CNTNAP5: variants seen among roughly 807,000 people sequenced by gnomAD.
CNTNAP5 encodes the protein contactin-associated protein-like 5.
Under a neutral mutation model 150.2 loss-of-function variants are expected in CNTNAP5, and 72 were observed. The observed-to-expected ratio is 0.48, with a 90% CI of 0.40 to 0.58. The LOEUF (loss-of-function observed/expected upper bound fraction) is 0.58. CNTNAP5 is among the 20% of genes least tolerant of loss of function. The pLI, the probability that CNTNAP5 is intolerant of heterozygous loss-of-function variation, is 0.00. For synonymous variants in CNTNAP5, 672 were observed against 619.8 expected, an observed-to-expected ratio of 1.08 and a Z score of -1.25; for missense variants, 1,636 against 1,626.2, an observed-to-expected ratio of 1.01 and a Z score of -0.10.
At chr2:124,602,014 T>A (rs750325772) in intron 11 of CNTNAP5, among the ~76,000 whole-genome samples, 1 of 152,184 alleles carries the variant, frequency 6.6e-6, no homozygotes, top group African/African-American at 2.4e-5. Flanking sequence ...ATCCAGAAGA[T>A]ACTTTTGATT....
intron 1 of CNTNAP5, among the ~76,000 whole-genome samples, chr2:124,047,153 G>T (rs558380255): frequency 6.6e-6 from 1 of 152,092 alleles, no homozygotes; most frequent in Non-Finnish European, 1.5e-5. Flanking sequence ...AAACAATACC[G>T]AGCTATTTAC....
intron 1 of CNTNAP5, among the ~76,000 whole-genome samples, chr2:124,031,765 T>A (rs1225777982): frequency 6.6e-6 from 1 of 152,176 alleles, no homozygotes. Flanking sequence ...ATAAAAACTA[T>A]TTTATAGCCC....
chr2:124,892,703 A>C (rs1402771263), intron 21 of CNTNAP5, among the ~76,000 whole-genome samples: 1 of 152,112 alleles, frequency 6.6e-6, no homozygotes, highest in Non-Finnish European at 1.5e-5. Flanking sequence ...ACCTTTATGC[A>C]GACACAATAT....
chr2:124,116,921 G>A (rs748858451), intron 1 of CNTNAP5, among the ~76,000 whole-genome samples: 1 of 152,164 alleles, frequency 6.6e-6, no homozygotes, highest in Non-Finnish European at 1.5e-5. Context: ...AAGCAAGCCA[G>A]GACTTTTAAG....
intron 1 of CNTNAP5, among the ~76,000 whole-genome samples, chr2:124,113,329 T>C (rs1683343513): frequency 6.6e-6 from 1 of 152,118 alleles, no homozygotes; most frequent in African/African-American, 2.4e-5. Context: ...TTTATAGGTG[T>C]TATATGTCTC....
chr2:124,892,537 T>C (rs555932014), intron 21 of CNTNAP5, among the ~76,000 whole-genome samples: 5 of 152,178 alleles, frequency 3.3e-5, no homozygotes, highest in Admixed American at 2.6e-4. Context: ...GAGCTCTAGA[T>C]AAAGAATTCT....
rs1047255553 is a variant in CNTNAP5 at position 124,542,936 on chromosome 2, T to A, written c.1649+15480T>A. 2.0e-5 allele frequency among the ~76,000 whole-genome samples: 3 copies of A among 152,328 alleles called. No homozygotes were observed. The East Asian group carries it at 5.8e-4, about 29-fold the overall frequency. On this transcript the variant is annotated intron_variant, in intron 10 of 23. Coordinates refer to ENST00000682447, the MANE Select transcript of CNTNAP5 (RefSeq NM_001367498.1). ...GTTTTGGGCAAGTATTGCCTCAAGA[T>A]ATGGAATGAACTTGATAATCTTTAA...
intron 13 of CNTNAP5, among the ~76,000 whole-genome samples, chr2:124,730,227 T>C (rs1680242212): frequency 6.6e-6 from 1 of 151,980 alleles, no homozygotes; most frequent in Non-Finnish European, 1.5e-5. Flanking sequence ...AAAAAATGTG[T>C]CTTTAGGGAA....
intron 9 of CNTNAP5, among the ~76,000 whole-genome samples, chr2:124,525,138 A>G (rs762145710): frequency 1.2e-4 from 19 of 152,366 alleles, no homozygotes; most frequent in Non-Finnish European, 2.5e-4. Context: ...TTTTTTATAA[A>G]TGCATATCTA....
intron 2 of CNTNAP5, among the ~76,000 whole-genome samples, chr2:124,225,991 C>T (rs1262888182): frequency 6.6e-6 from 1 of 152,000 alleles, no homozygotes; most frequent in Non-Finnish European, 1.5e-5. Flanking sequence ...GTATAAATGC[C>T]ACAATTTTTT....
chr2:124,120,012 T>G (rs961146814), intron 1 of CNTNAP5, among the ~76,000 whole-genome samples: 1 of 152,222 alleles, frequency 6.6e-6, no homozygotes, highest in African/African-American at 2.4e-5. Flanking sequence ...TTAATTGTTC[T>G]GTGGAGTGAC....
chr2:124,270,886 C>T (rs1290543998), intron 3 of CNTNAP5, among the ~76,000 whole-genome samples: 1 of 152,146 alleles, frequency 6.6e-6, no homozygotes, highest in Non-Finnish European at 1.5e-5. Flanking sequence ...AATATGTATG[C>T]TTATCACACT....
intron 6 of CNTNAP5, among the ~76,000 whole-genome samples, chr2:124,462,069 C>T (rs567380693): frequency 3.3e-5 from 5 of 152,152 alleles, no homozygotes; most frequent in African/African-American, 1.2e-4. Context: ...AGGCTATTAT[C>T]TCCTATATCA....
intron 3 of CNTNAP5, among the ~76,000 whole-genome samples, chr2:124,341,681 T>C (rs1689619905): frequency 6.6e-6 from 1 of 152,174 alleles, no homozygotes. Context: ...CGGCAATCTA[T>C]ACACTAGTTT....
intron 3 of CNTNAP5, among the ~76,000 whole-genome samples, chr2:124,263,888 C>T (rs1442441060): frequency 1.3e-5 from 2 of 152,118 alleles, no homozygotes; most frequent in South Asian, 2.1e-4. Context: ...TTCCCAGCAC[C>T]ATTTATTAAA....
At chr2:124,419,671 T>G (rs1470395627) in intron 4 of CNTNAP5, among the ~76,000 whole-genome samples, 1 of 152,158 alleles carries the variant, frequency 6.6e-6, no homozygotes, top group Admixed American at 6.5e-5. Flanking sequence ...GTTAACAACC[T>G]TGGGGAGTTG....
chr2:124,506,660 C>CT (rs761038031), intron 8 of CNTNAP5, among the ~76,000 whole-genome samples: 2 of 152,146 alleles, frequency 1.3e-5, no homozygotes, highest in Admixed American at 1.3e-4. Context: ...CCTGGATAAA[C>CT]TTTGTCTCAT....
intron 3 of CNTNAP5, among the ~76,000 whole-genome samples, chr2:124,309,471 T>G (rs1688771458): frequency 6.6e-6 from 1 of 152,182 alleles, no homozygotes; most frequent in South Asian, 2.1e-4. Context: ...ACAAATCCAC[T>G]TAAACTGAAA....
At chr2:124,097,132 A>G (rs977977084) in intron 1 of CNTNAP5, among the ~76,000 whole-genome samples, 1 of 152,202 alleles carries the variant, frequency 6.6e-6, no homozygotes, top group African/African-American at 2.4e-5. Context: ...GCATGTTTAC[A>G]TATATTATCT....
Sources: allele counts gnomAD v4.1 joint callset (sites outside exome capture counted in the v4.1 genomes callset), GRCh38; gene constraint gnomAD v4.1.1; transcripts MANE v1.5; gene names NCBI Gene and HGNC (gene_info 2026-07-23, HGNC 2026-07-21).